Variants in PLAAT1 observed in about 807,000 individuals in gnomAD.
PLAAT1 encodes the protein H-REV107 protein-related protein.
Under a neutral mutation model 16.4 loss-of-function variants are expected in PLAAT1, and 13 were observed. That is an observed-to-expected ratio of 0.79 (90% CI 0.52 to 1.26). The LOEUF (loss-of-function observed/expected upper bound fraction) is 1.26. Ranked by LOEUF, PLAAT1 falls within the 50% of genes most tolerant of loss-of-function variation. The probability of loss-of-function intolerance (pLI) is 0.00; values close to 1 mark genes in which losing one functional copy is unlikely to be tolerated. For synonymous variants in PLAAT1, 73 were observed against 78.4 expected, an observed-to-expected ratio of 0.93 and a Z score of 0.36; for missense variants, 218 against 207.8, an observed-to-expected ratio of 1.05 and a Z score of -0.30.
chr3:193,245,494 G>T (rs1660938886), intron 1 of PLAAT1, among the ~76,000 whole-genome samples: 1 of 152,170 alleles, frequency 6.6e-6, no homozygotes, highest in Non-Finnish European at 1.5e-5. Context: ...ATGCTAAAAT[G>T]AACATGAGGG....
downstream of PLAAT1, chr3:193,281,039 A>G: frequency 4.9e-6 from 1 of 203,120 alleles, no homozygotes; most frequent in Non-Finnish European, 8.7e-6. Flanking sequence ...CTTTATGTAT[A>G]TAAATAAATG....
chr3:193,246,952 C>T (rs1011213777), intron 1 of PLAAT1, among the ~76,000 whole-genome samples: 5 of 152,102 alleles, frequency 3.3e-5, no homozygotes, highest in African/African-American at 4.8e-5. Flanking sequence ...TTCTTGAGCA[C>T]TTAATGGGAT....
At chr3:193,241,572 C>A in intron 1 of PLAAT1, 39 bp downstream of exon 1, 1 of 1,222,100 alleles carries the variant, frequency 8.2e-7, no homozygotes, top group Non-Finnish European at 1.0e-6. Context: ...CGAGGCGCCC[C>A]GGCAACCAAC....
downstream of PLAAT1, chr3:193,279,287 A>G: frequency 1.7e-6 from 2 of 1,143,932 alleles, no homozygotes; most frequent in South Asian, 1.3e-5. Flanking sequence ...GAATACAGTA[A>G]TAATTGACTT....
At chr3:193,250,009 G>A (rs1433705207) in intron 1 of PLAAT1, among the ~76,000 whole-genome samples, 1 of 151,906 alleles carries the variant, frequency 6.6e-6, no homozygotes, top group African/African-American at 2.4e-5. Context: ...AATTTATCTT[G>A]TTATTTTATT....
At position 193,241,428 on chromosome 3, in the gene PLAAT1, C is replaced by A; in HGVS notation, c.-106C>A. The stretch of plus-strand genomic sequence containing the variant: ...GTCTCCCGGGTACAGATGGAGTCGT[C>A]CCGCGGCCGCCGGCGGCAAGGTCGG... On this transcript the variant is annotated 5_prime_UTR_variant, in exon 1 of 4. Coordinates refer to ENST00000264735, the MANE Select transcript of PLAAT1 (RefSeq NM_020386.5). 4.1e-6 allele frequency: 5 copies of A among 1,231,798 alleles called. No homozygotes were observed. The highest frequency in any genetic ancestry group is 5.1e-6 in the Non-Finnish European group (5 of 988,044). 76.3% of individuals were successfully genotyped at this position (1,231,798 alleles called of 1,614,324 possible). A position where few individuals can be genotyped will look rare whatever the true frequency, so the allele number is the denominator to read the frequency against.
At chr3:193,262,394 C>T (rs1460831419) in intron 2 of PLAAT1, among the ~76,000 whole-genome samples, 1 of 150,720 alleles carries the variant, frequency 6.6e-6, no homozygotes. Context: ...AAGCAGGGCC[C>T]CAGCCTGACT....
At chr3:193,257,518 G>C (rs966372922) in intron 2 of PLAAT1, among the ~76,000 whole-genome samples, 1 of 152,106 alleles carries the variant, frequency 6.6e-6, no homozygotes, top group Non-Finnish European at 1.5e-5. Context: ...GCACACTCTT[G>C]AACCACAGTG....
intron 2 of PLAAT1, 82 bp downstream of exon 2, chr3:193,255,871 C>T (rs1716355403): frequency 8.2e-7 from 1 of 1,218,688 alleles, no homozygotes; most frequent in Non-Finnish European, 1.1e-6. Flanking sequence ...AAATAATAAA[C>T]AAAACAAAAT....
chr3:193,275,032 A>G, downstream of PLAAT1: 1 of 1,613,936 alleles, frequency 6.2e-7, no homozygotes, highest in Non-Finnish European at 8.5e-7. Context: ...ATGTACGACG[A>G]CAATTCTGAT....
chr3:193,270,759 C>T lies in PLAAT1; in HGVS notation c.*54C>T, dbSNP rs1716961818. 1.9e-6 allele frequency: 3 copies of T among 1,588,178 alleles called. No homozygotes were observed. The highest frequency in any genetic ancestry group is 2.3e-5 in the South Asian group (2 of 87,444). On this transcript the variant is annotated 3_prime_UTR_variant, in exon 4 of 4. Transcript: ENST00000264735. Reference sequence around the variant, plus strand: ...AGGAATTTGGGAGGAGGAAAAGAAACCTGGGGTGAATACTTATTTTCAGTG... The same window carrying T: ...AGGAATTTGGGAGGAGGAAAAGAAATCTGGGGTGAATACTTATTTTCAGTG...
intron 1 of PLAAT1, among the ~76,000 whole-genome samples, chr3:193,248,974 C>T (rs1716088774): frequency 6.6e-6 from 1 of 152,012 alleles, no homozygotes; most frequent in South Asian, 2.1e-4. Context: ...TTTAGTATTT[C>T]TTGTAAGGCA....
intron 1 of PLAAT1, among the ~76,000 whole-genome samples, chr3:193,249,796 G>GT (rs1333077591): frequency 6.6e-6 from 1 of 151,454 alleles, no homozygotes; most frequent in Non-Finnish European, 1.5e-5. Context: ...CTCCTTATTG[G>GT]TTTTTTCATT....
chr3:193,279,529 A>G (rs1398951631), downstream of PLAAT1: 6 of 1,191,506 alleles, frequency 5.0e-6, no homozygotes, highest in East Asian at 4.7e-5. Flanking sequence ...TGCAGAATCA[A>G]TTATCTCTGT....
intron 1 of PLAAT1, among the ~76,000 whole-genome samples, chr3:193,245,168 T>C (rs140366289): frequency 6.6e-6 from 1 of 152,338 alleles, no homozygotes; most frequent in Non-Finnish European, 1.5e-5. Flanking sequence ...TGAAACTTTT[T>C]ACCCTTTGAT....
chr3:193,260,685 CA>C (rs71637105), intron 2 of PLAAT1, among the ~76,000 whole-genome samples: 11,502 of 136,992 alleles, frequency 0.084, 457 homozygotes, highest in Middle Eastern at 0.13. Context: ...ATTAAAAAGT[CA>C]AAAAAAAAAA....
chr3:193,245,863 C>T (rs540926449), intron 1 of PLAAT1, among the ~76,000 whole-genome samples: 66 of 152,242 alleles, frequency 4.3e-4, no homozygotes, highest in African/African-American at 1.6e-3. Context: ...AGATACTTTG[C>T]CAAGTTTTTA....
chr3:193,262,882 C>A, intron 2 of PLAAT1, 88 bp from the exon 3 acceptor site: 3 of 1,323,480 alleles, frequency 2.3e-6, no homozygotes, highest in South Asian at 1.3e-5. Context: ...TAGGTTTAGA[C>A]ATGCCAGCAT....
At chr3:193,264,634 G>T (rs558653240) in intron 3 of PLAAT1, among the ~76,000 whole-genome samples, 1 of 152,168 alleles carries the variant, frequency 6.6e-6, no homozygotes, top group Admixed American at 6.5e-5. Context: ...CTCCCAAGTA[G>T]CTGGGATTAC....
Sources: allele counts gnomAD v4.1 joint callset (sites outside exome capture counted in the v4.1 genomes callset), GRCh38; gene constraint gnomAD v4.1.1; transcripts MANE v1.5; gene names NCBI Gene and HGNC (gene_info 2026-07-23, HGNC 2026-07-21).